The following TRIM14 variants were observed in gnomAD, a reference collection of about 807,000 sequenced individuals.
The protein encoded by TRIM14 is tripartite motif-containing protein 14.
In TRIM14, 28 loss-of-function variants were observed where a neutral mutation model predicts 44.5. That is an observed-to-expected ratio of 0.63 (90% confidence interval 0.47 to 0.86). The LOEUF is 0.86. Among genes scored for constraint, TRIM14 ranks in the 40% least tolerant of loss-of-function variants. TRIM14 has a pLI of 0.00. For missense variants in TRIM14, 607 were observed against 611.1 expected (o/e 0.99, Z 0.07); for synonymous variants, 299 against 269.2 (o/e 1.11, Z -1.08).
chr9:98,100,192 G>A (rs1428606119), intron 2 of TRIM14, 28 bp from the exon 3 acceptor site: 2 of 1,577,522 alleles, frequency 1.3e-6, no homozygotes, highest in Non-Finnish European at 1.7e-6. Context: ...AGTTGCAGAT[G>A]ACATGTCTGC....
chr9:98,079,560 C>T (rs1829755057), downstream of TRIM14, among the ~76,000 whole-genome samples: 1 of 152,158 alleles, frequency 6.6e-6, no homozygotes, highest in Non-Finnish European at 1.5e-5. Flanking sequence ...GCTTCACTTA[C>T]AGCTTATCTA....
chr9:98,066,729 C>CA (rs1050018193), downstream of TRIM14, among the ~76,000 whole-genome samples: 5 of 151,786 alleles, frequency 3.3e-5, no homozygotes, highest in African/African-American at 1.2e-4. Context: ...TGGCTCACTG[C>CA]AACCTCCACC....
chr9:98,118,939 C>T (rs1283049925), intron 1 of TRIM14, 43 bp downstream of exon 1: 3 of 1,456,172 alleles, frequency 2.1e-6, no homozygotes, highest in Non-Finnish European at 2.7e-6. Context: ...TGGGCTGGCT[C>T]CCCCAACTCC....
chr9:98,047,261 G>A, the TRIM14 span, among the ~76,000 whole-genome samples: 19 of 152,134 alleles, frequency 1.2e-4, no homozygotes, highest in Admixed American at 7.9e-4. Context: ...CGTGCCTTTT[G>A]CCTTTCACCA....
the TRIM14 span, among the ~76,000 whole-genome samples, chr9:98,050,544 G>A: frequency 2.6e-5 from 4 of 152,144 alleles, no homozygotes; most frequent in Non-Finnish European, 5.9e-5. Context: ...CATTTAGCAC[G>A]AGTGACTCCA....
rs1327580940 is a variant in TRIM14, at chr9:98,091,959, C to T, written c.743G>A (p.Gly248Asp). The change falls in exon 5 of 6, where the codon GGT becomes GAT. Residue 248 changes from glycine to aspartate, a missense_variant. Coordinates refer to ENST00000341469, the MANE Select transcript of TRIM14 (RefSeq NM_014788.4). ...QLSDPSSTKPGTLLKTSPSPE... is the reference protein window; with the variant it reads ...QLSDPSSTKPDTLLKTSPSPE... ...TGAGGGGCTGGTTTTCAACAAGGTACCTGGCTTGGTGCTGGAAGGGTCTGA... is the reference window on the plus strand; with the variant it reads ...TGAGGGGCTGGTTTTCAACAAGGTATCTGGCTTGGTGCTGGAAGGGTCTGA... 1 of 1,610,648 alleles carries T rather than the reference C, an allele frequency of 6.2e-7. No homozygotes were observed. Among genetic ancestry groups the T allele is most frequent in the Non-Finnish European group, 8.5e-7 (1 of 1,177,574 alleles).
At chr9:98,096,294 T>TG (rs1826183532) in intron 3 of TRIM14, among the ~76,000 whole-genome samples, 1 of 152,026 alleles carries the variant, frequency 6.6e-6, no homozygotes, top group Non-Finnish European at 1.5e-5. Flanking sequence ...CTCATTTTGG[T>TG]GGGGAACCAG....
chr9:98,045,647 A>G, the TRIM14 span, among the ~76,000 whole-genome samples: 5,351 of 152,262 alleles, frequency 0.035, 137 homozygotes, highest in Middle Eastern at 0.051. Flanking sequence ...TCCCCAGTTC[A>G]TGGATTGTTC....
At chr9:98,074,081 T>C (rs1306918533) in intron 6 of TRIM14, among the ~76,000 whole-genome samples, 1 of 152,206 alleles carries the variant, frequency 6.6e-6, no homozygotes, top group Non-Finnish European at 1.5e-5. Context: ...CTACCATGCC[T>C]GGCCAGAATT....
chr9:98,106,582 C>T (rs1160859887), intron 2 of TRIM14, among the ~76,000 whole-genome samples: 3 of 152,134 alleles, frequency 2.0e-5, no homozygotes, highest in African/African-American at 7.2e-5. Context: ...ACTATTAATT[C>T]CATTTTTCTT....
chr9:98,078,836 G>GGA (rs34078077), intron 6 of TRIM14, among the ~76,000 whole-genome samples: 10 of 123,022 alleles, frequency 8.1e-5, no homozygotes, highest in East Asian at 7.2e-4. Context: ...CTCTCAGGGG[G>GGA]AAAAAAAAAA....
At chr9:98,088,480 G>A (rs1825882274) in intron 5 of TRIM14, among the ~76,000 whole-genome samples, 1 of 151,862 alleles carries the variant, frequency 6.6e-6, no homozygotes. Flanking sequence ...TCAGCCTCCC[G>A]AGTAGCTGGG....
chr9:98,117,298 T>TTATC (rs1827089537), intron 1 of TRIM14, among the ~76,000 whole-genome samples: 1 of 151,484 alleles, frequency 6.6e-6, no homozygotes, highest in Admixed American at 6.6e-5. Context: ...ATTTATTTAT[T>TTATC]TATTTATTTA....
chr9:98,119,102 G>C lies in TRIM14; in HGVS notation c.87C>G (p.Asp29Glu). Residue 29 changes from aspartate to glutamate, a missense_variant, in exon 1 of 6, where the codon GAC (aspartate) becomes GAG (glutamate). By Grantham distance (45) the Asp-to-Glu change is conservative. This residue lies in a region of TRIM14 where 246 missense variants were observed against 270.8 expected (regional missense o/e 0.91). Transcript: ENST00000341469. ...GGCGACAGAAGAGCTCAGCCACGCG[G>C]TCGCCATGCTCCGGGCAGCGCCAGC... ...GCGWRCPEHGDRVAELFCRRC... is the reference protein window; with the variant it reads ...GCGWRCPEHGERVAELFCRRC... The C allele has an allele frequency of 6.3e-7, 1 of 1,587,104 alleles. No individual in the cohort carries two copies. The highest frequency in any genetic ancestry group is 8.5e-7 in the Non-Finnish European group (1 of 1,176,142).
intron 2 of TRIM14, among the ~76,000 whole-genome samples, chr9:98,103,988 G>A (rs1001570428): frequency 2.0e-5 from 3 of 152,196 alleles, no homozygotes; most frequent in African/African-American, 7.2e-5. Context: ...GGGACAGCAT[G>A]TGGTTTGGCA....
At position 98,087,866 on chromosome 9, in the gene TRIM14, C is replaced by A; in HGVS notation, c.933G>T (p.Val311=). The A allele has an allele frequency of 6.4e-7, 1 of 1,565,754 alleles. No homozygotes were observed. Among genetic ancestry groups the A allele is most frequent in the Non-Finnish European group, 8.6e-7 (1 of 1,166,290 alleles). The part of the protein sequence containing the change: ...PVLRFDALWQ[V]LARDCFATGR... ...CGGTGGCGAAGCAGTCACGAGCCAG[C>A]ACTTGCCAGAGCGCGTCGAACCGCA... The change falls in exon 6 of 6, where the codon GTG becomes GTT. Residue 311 remains valine, a synonymous_variant. Coordinates refer to ENST00000341469, the MANE Select transcript of TRIM14 (RefSeq NM_014788.4).
chr9:98,086,816 A>T lies in TRIM14; in HGVS notation c.*654T>A, dbSNP rs1306244365. 6.5e-6 allele frequency: 1 copy of T among 153,082 alleles called. No individual in the cohort carries two copies. Among genetic ancestry groups the T allele is most frequent in the African/African-American group, 2.4e-5 (1 of 41,280 alleles). The allele number at this position is 153,082 out of a possible 1,614,324, so 9.5% of individuals were successfully genotyped here. ...TTGAATGCTAAGGTGAGGCGCTTGTATTTTTTTTTGTTATTTCATGGAAAC... is the reference window on the plus strand; with the variant it reads ...TTGAATGCTAAGGTGAGGCGCTTGTTTTTTTTTTTGTTATTTCATGGAAAC... On this transcript the variant is annotated 3_prime_UTR_variant, in exon 6 of 6. Transcript: ENST00000341469.
intron 5 of TRIM14, 71 bp from the exon 6 acceptor site, chr9:98,088,076 C>T: frequency 5.8e-6 from 8 of 1,374,448 alleles, no homozygotes; most frequent in Non-Finnish European, 7.5e-6. Flanking sequence ...CGGGAACCCA[C>T]CAACGCACGT....
intron 1 of TRIM14, among the ~76,000 whole-genome samples, chr9:98,111,057 C>A (rs563455963): frequency 4.5e-4 from 67 of 149,920 alleles, no homozygotes; most frequent in African/African-American, 1.5e-3. Flanking sequence ...GTCCCCCCCC[C>A]CAAAAAAAAA....
Sources: allele counts gnomAD v4.1 joint callset (sites outside exome capture counted in the v4.1 genomes callset), GRCh38; gene constraint gnomAD v4.1.1; regional missense constraint gnomAD v4.1.1; transcripts MANE v1.5; gene names NCBI Gene and HGNC (gene_info 2026-07-23, HGNC 2026-07-21).